Variants in LYRM4 observed in about 807,000 individuals in gnomAD.
LYRM4 encodes LYR motif-containing protein 4.
A neutral mutation model predicts 11.7 loss-of-function variants in LYRM4; 9 were observed. The ratio of observed to expected loss-of-function variants is 0.77; its 90% CI spans 0.46 to 1.34. LYRM4 has a LOEUF of 1.34. LYRM4 is among the 40% of genes most tolerant of loss of function. The pLI is 0.00. For missense variants in LYRM4, 133 were observed against 112.5 expected (o/e 1.18, Z -0.82); for synonymous variants, 42 against 40.4 (o/e 1.04, Z -0.15).
the LYRM4 span, chr6:5,085,687 C>A: frequency 1.3e-6 from 2 of 1,548,132 alleles, no homozygotes; most frequent in South Asian, 1.2e-5. Context: ...GGCCGCCCCC[C>A]AGGAGCAGGA....
At chr6:5,122,674 C>T (rs1221766015) in intron 2 of LYRM4, among the ~76,000 whole-genome samples, 1 of 152,234 alleles carries the variant, frequency 6.6e-6, no homozygotes, top group East Asian at 1.9e-4. Flanking sequence ...CCCACATCCA[C>T]CTGTTCCTGG....
the LYRM4 span, chr6:5,033,981 A>C: frequency 6.6e-6 from 1 of 152,214 alleles, no homozygotes; most frequent in Non-Finnish European, 1.5e-5. Context: ...CCCAGCTCTC[A>C]CACTAGAAAC....
the LYRM4 span, chr6:5,086,273 T>A: frequency 6.5e-7 from 1 of 1,535,464 alleles, no homozygotes; most frequent in Non-Finnish European, 8.7e-7. Context: ...TTCCTGGACG[T>A]GCCGGCTGAG....
the LYRM4 span, among the ~76,000 whole-genome samples, chr6:5,058,869 C>T: frequency 6.6e-6 from 1 of 152,016 alleles, no homozygotes. Context: ...GTCTTGCTTC[C>T]AACTTGTTTT....
At chr6:5,040,954 A>G in the LYRM4 span, among the ~76,000 whole-genome samples, 2 of 152,100 alleles carry the variant, frequency 1.3e-5, no homozygotes, top group African/African-American at 2.4e-5. Flanking sequence ...AGAGCCCCAT[A>G]TGCGAGACCA....
chr6:5,167,217 G>A (rs563812718), intron 2 of LYRM4, among the ~76,000 whole-genome samples: 1 of 152,188 alleles, frequency 6.6e-6, no homozygotes, highest in Admixed American at 6.5e-5. Flanking sequence ...AGTAATATAC[G>A]CAAGGGATAA....
chr6:5,228,386 C>T (rs370748447), intron 1 of LYRM4, among the ~76,000 whole-genome samples: 25 of 152,182 alleles, frequency 1.6e-4, no homozygotes, highest in African/African-American at 4.6e-4. Context: ...AAGTGATTCT[C>T]ATGCCTCAGC....
intron 2 of LYRM4, among the ~76,000 whole-genome samples, chr6:5,123,046 C>G (rs961271402): frequency 6.6e-6 from 1 of 152,194 alleles, no homozygotes; most frequent in Non-Finnish European, 1.5e-5. Flanking sequence ...TTGGGGTCAT[C>G]GGTATACCAA....
chr6:5,085,444 GGGCCCGGTTC>G, the LYRM4 span: 1 of 1,429,038 alleles, frequency 7.0e-7, no homozygotes, highest in Non-Finnish European at 9.4e-7. Context: ...GTCTCCAGAG[GGGCCCGGTTC>G]GGCCCGAGCA....
At chr6:5,257,666 C>A (rs960861114) in intron 1 of LYRM4, among the ~76,000 whole-genome samples, 1 of 152,198 alleles carries the variant, frequency 6.6e-6, no homozygotes, top group South Asian at 2.1e-4. Flanking sequence ...CATAGGTGCA[C>A]CTATTGTGAA....
At chr6:5,096,868 C>T in the LYRM4 span, among the ~76,000 whole-genome samples, 1 of 152,142 alleles carries the variant, frequency 6.6e-6, no homozygotes, top group Non-Finnish European at 1.5e-5. Context: ...CTGTCTGGCT[C>T]CAGCTGAATG....
At chr6:5,076,204 C>T in the LYRM4 span, among the ~76,000 whole-genome samples, 4 of 152,146 alleles carry the variant, frequency 2.6e-5, no homozygotes, top group Non-Finnish European at 4.4e-5. Flanking sequence ...TCTTGGCCTC[C>T]GGAAGTGTTG....
intron 2 of LYRM4, among the ~76,000 whole-genome samples, chr6:5,188,999 G>A (rs1046875277): frequency 1.1e-4 from 16 of 152,140 alleles, no homozygotes; most frequent in Non-Finnish European, 2.1e-4. Context: ...GGGCTCAAGC[G>A]ATCTGCTTGT....
intron 2 of LYRM4, chr6:5,144,343 A>G: frequency 2.7e-6 from 4 of 1,497,428 alleles, no homozygotes; most frequent in Non-Finnish European, 3.6e-6. Flanking sequence ...CGTGTAAGAA[A>G]TATGTCAGGT....
intron 2 of LYRM4, among the ~76,000 whole-genome samples, chr6:5,117,009 G>A (rs1193754189): frequency 6.6e-6 from 1 of 152,202 alleles, no homozygotes; most frequent in Non-Finnish European, 1.5e-5. Context: ...GGGAACGGAT[G>A]CAGCCCTGGG....
Position 5,245,091 on chromosome 6 carries a change from A to T in LYRM4, c.86+15557T>A, listed in dbSNP as rs1204584467. 4.4e-3 allele frequency among the ~76,000 whole-genome samples: 72 copies of T among 16,546 alleles called. 12 individuals are homozygous for T. The highest frequency in any genetic ancestry group is 0.016 in the African/African-American group (51 of 3,256). 10.9% of individuals were successfully genotyped at this position (16,546 alleles called of 152,430 possible). ...TGACTTTATTTGCAGGAAGACCTTA[A>T]AAAAAAAAAAAAAAAAAAAAAAATA... is the stretch of plus-strand genomic sequence containing the variant. On this transcript the variant is annotated intron_variant, in intron 1 of 2. Coordinates refer to ENST00000330636, the MANE Select transcript of LYRM4 (RefSeq NM_020408.6).
At chr6:5,099,474 A>G (rs984071731), downstream of LYRM4, among the ~76,000 whole-genome samples, 1 of 152,044 alleles carries the variant, frequency 6.6e-6, no homozygotes, top group Non-Finnish European at 1.5e-5. This position sits in a 1 kb window ranked among gnomAD's most constrained non-coding sequence, Gnocchi z 4.3. Context: ...GCTGATCTTG[A>G]ATTACTGTGC....
At chr6:5,235,724 T>C (rs1435463645) in intron 1 of LYRM4, among the ~76,000 whole-genome samples, 1 of 152,256 alleles carries the variant, frequency 6.6e-6, no homozygotes, top group Non-Finnish European at 1.5e-5. Flanking sequence ...TTTCAAATTC[T>C]TTAAACAGAA....
intron 2 of LYRM4, chr6:5,136,519 T>C (rs958443753): frequency 5.3e-6 from 5 of 951,188 alleles, no homozygotes; most frequent in Non-Finnish European, 5.0e-6. Context: ...TTTCCTTACC[T>C]ACAGAATGGG....
Sources: allele counts gnomAD v4.1 joint callset (sites outside exome capture counted in the v4.1 genomes callset), GRCh38; gene constraint gnomAD v4.1.1; non-coding constraint Gnocchi (gnomAD v3.1); transcripts MANE v1.5; gene names NCBI Gene and HGNC (gene_info 2026-07-23, HGNC 2026-07-21).